Variants in STXBP5 observed in about 807,000 individuals in gnomAD.
The protein encoded by STXBP5 is syntaxin-binding protein 5.
A neutral mutation model predicts 152.4 loss-of-function variants in STXBP5; 50 were observed. The ratio of observed to expected loss-of-function variants is 0.33; its 90% confidence interval spans 0.26 to 0.42. The LOEUF (loss-of-function observed/expected upper bound fraction) is 0.42. Among genes scored for constraint, STXBP5 ranks in the 10% least tolerant of loss-of-function variants. The pLI is 1.00. For synonymous variants in STXBP5, 492 were observed against 494.7 expected, an observed-to-expected ratio of 0.99 and a Z score of 0.07; for missense variants, 1,167 against 1,388.6, an observed-to-expected ratio of 0.84 and a Z score of 2.54.
At chr6:147,285,325 T>C (rs1780906380) in intron 8 of STXBP5, among the ~76,000 whole-genome samples, 1 of 152,182 alleles carries the variant, frequency 6.6e-6, no homozygotes, top group Non-Finnish European at 1.5e-5. Context: ...TTATATGTGC[T>C]TAAAATCATG....
chr6:147,242,750 C>G (rs889239198), intron 4 of STXBP5, among the ~76,000 whole-genome samples: 1 of 152,030 alleles, frequency 6.6e-6, no homozygotes, highest in Non-Finnish European at 1.5e-5. Context: ...CATCTAGGTT[C>G]GTGTAAGTAT....
chr6:147,283,288 A>G (rs1033356668), intron 8 of STXBP5, among the ~76,000 whole-genome samples: 1 of 152,232 alleles, frequency 6.6e-6, no homozygotes, highest in Admixed American at 6.5e-5. Context: ...TATGTTAAGG[A>G]TGAGACGTGT....
At chr6:147,222,543 C>G (rs1243724722) in intron 2 of STXBP5, among the ~76,000 whole-genome samples, 1 of 152,108 alleles carries the variant, frequency 6.6e-6, no homozygotes, top group East Asian at 1.9e-4. Flanking sequence ...GCTGGAGTTG[C>G]GTACTTCTCT....
At chr6:147,262,565 A>G (rs921161548) in intron 6 of STXBP5, among the ~76,000 whole-genome samples, 2 of 152,024 alleles carry the variant, frequency 1.3e-5, no homozygotes, top group African/African-American at 2.4e-5. Flanking sequence ...ACCTTAAAAC[A>G]TAAGTCAAAC....
intron 4 of STXBP5, among the ~76,000 whole-genome samples, chr6:147,243,008 C>T (rs1778625632): frequency 6.6e-6 from 1 of 152,054 alleles, no homozygotes; most frequent in Non-Finnish European, 1.5e-5. Context: ...TGAAGGATAT[C>T]TTGGTTTTTG....
At chr6:147,312,942 TA>T (rs1465403590) in intron 11 of STXBP5, among the ~76,000 whole-genome samples, 1 of 152,210 alleles carries the variant, frequency 6.6e-6, no homozygotes, top group Non-Finnish European at 1.5e-5. Flanking sequence ...AACCTGTGAC[TA>T]GGCATTTTAT....
intron 22 of STXBP5, 36 bp from the exon 23 acceptor site, chr6:147,359,048 A>G (rs1784940193): frequency 1.3e-6 from 2 of 1,596,900 alleles, no homozygotes; most frequent in Non-Finnish European, 1.7e-6. Context: ...TTCTTTTATA[A>G]CTTGAGCAAT....
At chr6:147,358,650 T>C (rs1176846707) in intron 22 of STXBP5, among the ~76,000 whole-genome samples, 1 of 152,186 alleles carries the variant, frequency 6.6e-6, no homozygotes, top group Non-Finnish European at 1.5e-5. Flanking sequence ...ACCAGTAACA[T>C]AAACAGTAGA....
intron 4 of STXBP5, among the ~76,000 whole-genome samples, chr6:147,256,995 G>A (rs562958496): frequency 3.9e-4 from 59 of 152,116 alleles, no homozygotes; most frequent in Admixed American, 1.5e-3. Flanking sequence ...ATATTTGACA[G>A]GCTGCTGTCA....
At chr6:147,324,707 C>T (rs1783136783) in intron 16 of STXBP5, among the ~76,000 whole-genome samples, 1 of 151,886 alleles carries the variant, frequency 6.6e-6, no homozygotes, top group Non-Finnish European at 1.5e-5. Flanking sequence ...TCTTCTTCCT[C>T]CTCACCTCTT....
At chr6:147,383,805 C>T (rs1445466973) in intron 27 of STXBP5, among the ~76,000 whole-genome samples, 2 of 151,908 alleles carry the variant, frequency 1.3e-5, no homozygotes, top group African/African-American at 4.8e-5. Context: ...GTCATTTCCT[C>T]CTTGCTCAAA....
intron 22 of STXBP5, among the ~76,000 whole-genome samples, chr6:147,358,679 G>A (rs1013898381): frequency 1.3e-5 from 2 of 152,132 alleles, no homozygotes; most frequent in African/African-American, 4.8e-5. Context: ...TATTTTGTAT[G>A]TTAGATGTGT....
intron 7 of STXBP5, among the ~76,000 whole-genome samples, chr6:147,270,374 G>C (rs1309598660): frequency 6.7e-6 from 1 of 149,090 alleles, no homozygotes; most frequent in Non-Finnish European, 1.5e-5. Flanking sequence ...ACTCCACCCT[G>C]GGCGACAGAG....
In STXBP5 at chr6:147,278,213, G is replaced by A. The variant is rs150283079; in HGVS notation, c.838+9G>A. On this transcript the variant is annotated intron_variant, in intron 8 of 27. Transcript: ENST00000321680. The stretch of plus-strand genomic sequence containing the variant: ...GACAATCACTCCACATGGTAAGAAT[G>A]CATCAATTTTAAATACCACCTAATT... 6.3e-6 allele frequency: 10 copies of A among 1,595,560 alleles called. No individual in the cohort carries two copies. The African/African-American group carries it at 1.2e-4, about 19-fold the overall frequency.
intron 8 of STXBP5, 140 bp from the exon 9 acceptor site, chr6:147,290,954 A>G (rs1197090827): frequency 1.8e-6 from 1 of 567,710 alleles, no homozygotes; most frequent in African/African-American, 1.9e-5. Context: ...CTTACTGTGT[A>G]TTAAATGCCT....
intron 9 of STXBP5, among the ~76,000 whole-genome samples, chr6:147,306,540 AG>A (rs1320009468): frequency 2.0e-5 from 3 of 152,072 alleles, no homozygotes; most frequent in African/African-American, 7.2e-5. Context: ...GATGAAAAGG[AG>A]GAGACAGATT....
At chr6:147,339,894 G>A (rs572040385) in intron 21 of STXBP5, among the ~76,000 whole-genome samples, 45 of 151,918 alleles carry the variant, frequency 3.0e-4, no homozygotes, top group Non-Finnish European at 5.7e-4. Flanking sequence ...AGTAAAAAAT[G>A]CATTGCTTCT....
At chr6:147,206,393 G>T (rs957617870) in intron 2 of STXBP5, among the ~76,000 whole-genome samples, 4 of 152,148 alleles carry the variant, frequency 2.6e-5, no homozygotes. Context: ...GATGAATGAG[G>T]TATGTTAAGG....
At chr6:147,230,998 AT>A (rs1265098533) in intron 2 of STXBP5, among the ~76,000 whole-genome samples, 1 of 151,646 alleles carries the variant, frequency 6.6e-6, no homozygotes, top group Non-Finnish European at 1.5e-5. Flanking sequence ...CCAATTCTTC[AT>A]TTATTCCTCC....
Sources: gnomAD v4.1 joint callset for allele counts (sites outside exome capture counted in the v4.1 genomes callset) on GRCh38, gnomAD v4.1.1 for gene constraint, MANE v1.5 for transcripts, NCBI Gene and HGNC (gene_info 2026-07-23, HGNC 2026-07-21) for gene names.